Variants in ALG8 observed in about 807,000 individuals in gnomAD.
ALG8 encodes the protein ALG8 alpha-1,3-glucosyltransferase, also known as dolichyl pyrophosphate Glc1Man9GlcNAc2 alpha-1,3-glucosyltransferase.
In ALG8, 48 loss-of-function variants were observed where a neutral mutation model predicts 70.2. The observed-to-expected ratio is 0.68, with a 90% CI of 0.54 to 0.87. ALG8 has a LOEUF of 0.87. Among genes scored for constraint, ALG8 ranks in the 40% least tolerant of loss-of-function variants. The probability of loss-of-function intolerance (pLI) is 0.00; values close to 1 mark genes in which losing one functional copy is unlikely to be tolerated. For synonymous variants in ALG8, 234 were observed against 229.0 expected (o/e 1.02, Z -0.20); for missense variants, 572 against 608.7 (o/e 0.94, Z 0.64).
chr11:78,132,560 GTC>G (rs543341675), intron 1 of ALG8, among the ~76,000 whole-genome samples: 31 of 152,236 alleles, frequency 2.0e-4, no homozygotes, highest in Middle Eastern at 3.4e-3. Context: ...GCATGTTTCT[GTC>G]TCTGTTGCTT....
intron 5 of ALG8, 114 bp from the exon 6 acceptor site, chr11:78,114,506 G>T: frequency 7.7e-7 from 1 of 1,292,790 alleles, no homozygotes; most frequent in Non-Finnish European, 1.1e-6. Flanking sequence ...GGAAAAACGG[G>T]TGAAATTCAA....
chr11:78,104,132 T>G, intron 11 of ALG8, 80 bp from the exon 12 acceptor site: 1 of 994,760 alleles, frequency 1.0e-6, no homozygotes. Context: ...ATAAGCACAC[T>G]GACACAGCTA....
intron 1 of ALG8, among the ~76,000 whole-genome samples, chr11:78,135,917 C>G (rs1450945120): frequency 1.3e-5 from 2 of 151,366 alleles, no homozygotes. Context: ...GTCTGTAATC[C>G]TAGCACTTTG....
chr11:78,136,523 C>A (rs1378871832), intron 1 of ALG8, among the ~76,000 whole-genome samples: 1 of 151,752 alleles, frequency 6.6e-6, no homozygotes. Context: ...GGAGATAGAG[C>A]GAGACCCTGC....
At chr11:78,126,563 T>G (rs1260103500) in intron 2 of ALG8, among the ~76,000 whole-genome samples, 1 of 148,694 alleles carries the variant, frequency 6.7e-6, no homozygotes, top group Non-Finnish European at 1.5e-5. Flanking sequence ...GAAAAAGAAA[T>G]AAAAATACAG....
At chr11:78,107,684 C>CA (rs755924209) in intron 9 of ALG8, 37 of 174,322 alleles carry the variant, frequency 2.1e-4, no homozygotes, top group South Asian at 1.0e-3. Flanking sequence ...ACTAAAAATA[C>CA]AAAAAAAACT....
At chr11:78,113,816 G>C (rs1738466247) in intron 7 of ALG8, 70 bp downstream of exon 7, 2 of 1,241,802 alleles carry the variant, frequency 1.6e-6, no homozygotes, top group South Asian at 2.8e-5. Context: ...CATATTCCTG[G>C]CTTTATTAGG....
At chr11:78,101,986 C>T (rs1373488658) in intron 12 of ALG8, among the ~76,000 whole-genome samples, 1 of 152,148 alleles carries the variant, frequency 6.6e-6, no homozygotes, top group Non-Finnish European at 1.5e-5. Flanking sequence ...GGATTACAGG[C>T]GCCTGCCACC....
At position 78,124,161 on chromosome 11, in the gene ALG8, A is replaced by G. The variant is rs371862915; in HGVS notation, c.228T>C (p.Tyr76=). Residue 76 remains tyrosine, a synonymous_variant, in exon 3 of 13, where the codon TAT becomes TAC. Transcript: ENST00000299626. ...DYPPFFAWFE[Y]ILSHVAKYFD... is the part of the protein sequence containing the mutation. The stretch of plus-strand genomic sequence containing the variant: ...AATATTTGGCAACATGTGACAGGAT[A>G]TACTCAAACCATGCAAAGAAAGGGG... 32 of 1,614,102 alleles carry G rather than the reference A, an allele frequency of 2.0e-5. No homozygotes were observed. The highest frequency in any genetic ancestry group is 2.6e-5 in the Non-Finnish European group (31 of 1,180,050).
intron 1 of ALG8, among the ~76,000 whole-genome samples, chr11:78,129,994 AAAAC>A (rs1239558355): frequency 1.3e-5 from 2 of 152,218 alleles, no homozygotes; most frequent in South Asian, 2.1e-4. Flanking sequence ...ATAAAATTCA[AAAAC>A]AAACAAAAAA....
rs559789815 is a variant in ALG8 at position 78,122,458 on chromosome 11, C to A, written c.369-1284G>T. On this transcript the variant is annotated intron_variant, in intron 3 of 12. Coordinates refer to ENST00000299626, the MANE Select transcript of ALG8 (RefSeq NM_024079.5). Reference sequence around the variant, plus strand: ...CCCAGGTTCAAGAGATCCTCTGCCTCAGGCTCCCAAGTAGCTGGGACAACA... The same window carrying A: ...CCCAGGTTCAAGAGATCCTCTGCCTAAGGCTCCCAAGTAGCTGGGACAACA... Among the ~76,000 whole-genome samples, 8 of 151,896 alleles carry A rather than the reference C, an allele frequency of 5.3e-5. No individual in the cohort carries two copies. The East Asian group carries it at 1.6e-3, about 30-fold the overall frequency.
chr11:78,105,450 C>T (rs376828161), intron 10 of ALG8, among the ~76,000 whole-genome samples: 24 of 152,156 alleles, frequency 1.6e-4, no homozygotes, highest in Non-Finnish European at 3.1e-4. Context: ...CTAATTCTTG[C>T]GACCTGTATG....
chr11:78,127,541 C>T, intron 1 of ALG8, 105 bp from the exon 2 acceptor site: 1 of 957,100 alleles, frequency 1.0e-6, no homozygotes, highest in Non-Finnish European at 1.6e-6. Flanking sequence ...TAAGCTGTCA[C>T]AGCTCACTGT....
intron 10 of ALG8, among the ~76,000 whole-genome samples, chr11:78,105,967 G>A (rs912048801): frequency 6.6e-6 from 1 of 151,956 alleles, no homozygotes; most frequent in Admixed American, 6.6e-5. Context: ...TTCAGCCTCC[G>A]AAAGTACTGG....
At chr11:78,138,268 G>A (rs1347883969) in intron 1 of ALG8, among the ~76,000 whole-genome samples, 3 of 150,920 alleles carry the variant, frequency 2.0e-5, no homozygotes, top group East Asian at 3.9e-4. Flanking sequence ...AGAATCGTTT[G>A]AACCCGGGAG....
intron 5 of ALG8, chr11:78,114,699 C>T (rs985875318): frequency 3.3e-5 from 14 of 429,710 alleles, no homozygotes; most frequent in African/African-American, 2.9e-4. Flanking sequence ...AGTGTGGTGA[C>T]TCACACCTGC....
At chr11:78,114,041 C>T in intron 6 of ALG8, 52 bp from the exon 7 acceptor site, 1 of 1,494,164 alleles carries the variant, frequency 6.7e-7, no homozygotes, top group East Asian at 2.4e-5. Context: ...GGAACATTAA[C>T]CATAACCTAT....
At chr11:78,132,997 C>A (rs986567170) in intron 1 of ALG8, among the ~76,000 whole-genome samples, 1 of 152,002 alleles carries the variant, frequency 6.6e-6, no homozygotes, top group Admixed American at 6.6e-5. Flanking sequence ...CCACCACACC[C>A]GGCTAATTTT....
chr11:78,115,390 GC>G (rs1197536007), intron 5 of ALG8, among the ~76,000 whole-genome samples: 1 of 151,754 alleles, frequency 6.6e-6, no homozygotes, highest in East Asian at 1.9e-4. Flanking sequence ...ATTCCAGCTA[GC>G]TTTTTTTTTG....
Sources: gnomAD v4.1 joint callset for allele counts (sites outside exome capture counted in the v4.1 genomes callset) on GRCh38, gnomAD v4.1.1 for gene constraint, MANE v1.5 for transcripts, NCBI Gene and HGNC (gene_info 2026-07-23, HGNC 2026-07-21) for gene names.